The following ADAM22 variants were observed in gnomAD, a reference collection of about 807,000 sequenced individuals.
ADAM22 encodes the protein disintegrin and metalloproteinase domain-containing protein 22.
Under a neutral mutation model 144.6 loss-of-function variants are expected in ADAM22, and 65 were observed. The ratio of observed to expected loss-of-function variants is 0.45; its 90% CI spans 0.37 to 0.55. ADAM22 has a LOEUF of 0.55. Ranked by LOEUF, ADAM22 falls within the 20% of genes least tolerant of loss-of-function variation. ADAM22 has a pLI of 0.00. For missense variants in ADAM22, 974 were observed against 1,184.9 expected, an observed-to-expected ratio of 0.82 and a Z score of 2.61; for synonymous variants, 391 against 412.6, an observed-to-expected ratio of 0.95 and a Z score of 0.63.
intron 4 of ADAM22, among the ~76,000 whole-genome samples, chr7:88,079,429 C>T (rs1198220308): frequency 6.6e-6 from 1 of 152,212 alleles, no homozygotes; most frequent in East Asian, 1.9e-4. Flanking sequence ...TAGGAAGAAA[C>T]TGCATCAACT....
chr7:88,192,988 A>T, intron 30 of ADAM22, 128 bp from the exon 31 acceptor site: 1 of 1,060,380 alleles, frequency 9.4e-7, no homozygotes, highest in Non-Finnish European at 1.4e-6. Flanking sequence ...TCTTCCCAGT[A>T]GTTAAATCTT....
intron 2 of ADAM22, among the ~76,000 whole-genome samples, chr7:87,954,935 G>A (rs570853551): frequency 6.6e-6 from 1 of 152,264 alleles, no homozygotes; most frequent in African/African-American, 2.4e-5. Flanking sequence ...ATCGGCTCCT[G>A]AGGCTTCTGC....
At chr7:88,053,622 AAG>A (rs1807257188) in intron 3 of ADAM22, among the ~76,000 whole-genome samples, 1 of 116,392 alleles carries the variant, frequency 8.6e-6, no homozygotes, top group Non-Finnish European at 2.0e-5. Context: ...GAAAGAAAGA[AAG>A]AAAGAAAGAA....
chr7:88,193,716 T>C (rs140100971), intron 31 of ADAM22, among the ~76,000 whole-genome samples: 48 of 152,340 alleles, frequency 3.2e-4, no homozygotes, highest in African/African-American at 1.1e-3. Flanking sequence ...TCATTTACAC[T>C]GTAATGTTCA....
intron 4 of ADAM22, among the ~76,000 whole-genome samples, chr7:88,098,460 A>G (rs35532369): frequency 0.069 from 10,540 of 152,192 alleles, 455 homozygotes; most frequent in Admixed American, 0.11. Flanking sequence ...CCTAGAACCC[A>G]TGAGTATGAC....
At chr7:87,943,978 T>C (rs945388309) in intron 2 of ADAM22, among the ~76,000 whole-genome samples, 4 of 152,234 alleles carry the variant, frequency 2.6e-5, no homozygotes, top group Non-Finnish European at 4.4e-5. Context: ...ATGGTGCTTT[T>C]CTGCAGATAG....
At chr7:88,119,323 C>T (rs1828636415) in intron 7 of ADAM22, among the ~76,000 whole-genome samples, 1 of 152,174 alleles carries the variant, frequency 6.6e-6, no homozygotes, top group Non-Finnish European at 1.5e-5. Context: ...GTCAGTGCCT[C>T]CCACCTCTGC....
At chr7:88,060,309 T>C (rs1054953848) in intron 3 of ADAM22, among the ~76,000 whole-genome samples, 2 of 152,228 alleles carry the variant, frequency 1.3e-5, no homozygotes, top group Admixed American at 6.5e-5. Flanking sequence ...TAGCATGAGA[T>C]GCTGTTTGAT....
intron 2 of ADAM22, among the ~76,000 whole-genome samples, chr7:87,950,665 G>T (rs1423733867): frequency 6.8e-6 from 1 of 147,812 alleles, no homozygotes; most frequent in East Asian, 2.0e-4. Context: ...GTAATGGGAT[G>T]GCTGGGTCAA....
chr7:88,161,077 G>A (rs182777429), intron 22 of ADAM22, among the ~76,000 whole-genome samples: 12 of 151,714 alleles, frequency 7.9e-5, no homozygotes, highest in African/African-American at 2.4e-4. Flanking sequence ...AAACCTGCAC[G>A]TTGTGCACAT....
At position 88,134,410 on chromosome 7, in the gene ADAM22, T is replaced by A; in HGVS notation, c.1159T>A (p.Leu387Ile). The A allele has an allele frequency of 6.2e-7, 1 of 1,608,158 alleles. No individual in the cohort carries two copies. Among genetic ancestry groups the A allele is most frequent in the Admixed American group, 1.7e-5 (1 of 59,466 alleles). The change falls in exon 13 of 32, where the codon TTA (leucine) becomes ATA (isoleucine). Residue 387 changes from leucine (L) to isoleucine (I), a missense_variant. Transcript: ENST00000413139. ...NIGIISDKRK[L>I]ASGECKCEDT... Reference sequence around the variant, plus strand: ...TGGTATTATCTCAGACAAAAGAAAGTTAGCAAGTGGTAAGTTTTAGTACAT... The same window carrying A: ...TGGTATTATCTCAGACAAAAGAAAGATAGCAAGTGGTAAGTTTTAGTACAT...
At chr7:87,972,521 T>C (rs965914472) in intron 2 of ADAM22, among the ~76,000 whole-genome samples, 2 of 152,262 alleles carry the variant, frequency 1.3e-5, no homozygotes, top group Admixed American at 6.5e-5. Context: ...AGGTAATTTA[T>C]AGATTCAATG....
At chr7:88,034,543 A>G (rs1157678387) in intron 3 of ADAM22, among the ~76,000 whole-genome samples, 2 of 152,136 alleles carry the variant, frequency 1.3e-5, no homozygotes, top group African/African-American at 4.8e-5. Flanking sequence ...TAGATACCTC[A>G]GCTCGTGTCT....
At chr7:88,079,282 A>C (rs1313840448) in intron 4 of ADAM22, among the ~76,000 whole-genome samples, 8 of 152,214 alleles carry the variant, frequency 5.3e-5, no homozygotes, top group Admixed American at 5.2e-4. Context: ...AATACTTTAT[A>C]GACAAGCAAC....
intron 2 of ADAM22, among the ~76,000 whole-genome samples, chr7:87,965,144 G>T (rs1236672206): frequency 6.6e-6 from 1 of 152,070 alleles, no homozygotes; most frequent in African/African-American, 2.4e-5. Flanking sequence ...GGTTCTTGTC[G>T]CTAGAATTCT....
intron 3 of ADAM22, among the ~76,000 whole-genome samples, chr7:87,985,620 A>T (rs1788289124): frequency 6.6e-6 from 1 of 152,142 alleles, no homozygotes; most frequent in Non-Finnish European, 1.5e-5. Flanking sequence ...TTTGAAGTTC[A>T]TCCATGCTAT....
intron 4 of ADAM22, among the ~76,000 whole-genome samples, chr7:88,082,740 C>T (rs1347456575): frequency 2.0e-5 from 3 of 152,102 alleles, no homozygotes; most frequent in African/African-American, 4.8e-5. Context: ...TGAAAAAATG[C>T]TCACCATCAC....
chr7:87,958,816 G>A (rs10282061), intron 2 of ADAM22, among the ~76,000 whole-genome samples: 6,553 of 151,978 alleles, frequency 0.043, 495 homozygotes, highest in African/African-American at 0.15. Context: ...CCTATTATGC[G>A]TTCCCCATTT....
intron 2 of ADAM22, among the ~76,000 whole-genome samples, chr7:87,936,317 A>T (rs1197562788): frequency 1.3e-5 from 2 of 152,122 alleles, no homozygotes; most frequent in Non-Finnish European, 2.9e-5. Context: ...GCTTTTAATG[A>T]TGGATTCTTT....
Sources: gnomAD v4.1 joint callset for allele counts (sites outside exome capture counted in the v4.1 genomes callset) on GRCh38, gnomAD v4.1.1 for gene constraint, MANE v1.5 for transcripts, NCBI Gene and HGNC (gene_info 2026-07-23, HGNC 2026-07-21) for gene names.